CBLC: variants seen among roughly 807,000 people sequenced by gnomAD.
CBLC encodes E3 ubiquitin-protein ligase CBL-C.
In CBLC, 46 loss-of-function variants were observed where a neutral mutation model predicts 58.6. The ratio of observed to expected loss-of-function variants is 0.79; its 90% CI spans 0.62 to 1.00. The LOEUF (loss-of-function observed/expected upper bound fraction) is 1.00. Ranked by LOEUF, CBLC falls within the 50% of genes least tolerant of loss-of-function variation. CBLC has a pLI of 0.00. For synonymous variants in CBLC, 271 were observed against 264.2 expected (o/e 1.03, Z -0.25); for missense variants, 655 against 625.8 (o/e 1.05, Z -0.50).
chr19:44,798,437 C>G (rs755241269), intron 9 of CBLC, among the ~76,000 whole-genome samples: 8 of 152,064 alleles, frequency 5.3e-5, no homozygotes, highest in Non-Finnish European at 8.8e-5. Context: ...CAGCCAAGCG[C>G]GGTGGCTCAC....
intron 1 of CBLC, among the ~76,000 whole-genome samples, chr19:44,778,893 T>C (rs1238193374): frequency 8.0e-6 from 1 of 124,240 alleles, no homozygotes; most frequent in African/African-American, 3.3e-5. Context: ...CCCCAGCCCC[T>C]CCTCCCTCAG....
chr19:44,798,311 T>C (rs754183531), intron 9 of CBLC, among the ~76,000 whole-genome samples: 2 of 151,220 alleles, frequency 1.3e-5, no homozygotes, highest in African/African-American at 2.5e-5. Context: ...AGTGCTGGGA[T>C]TGCTGGCATT....
At chr19:44,790,390 C>A (rs1968016188) in intron 6 of CBLC, among the ~76,000 whole-genome samples, 1 of 152,136 alleles carries the variant, frequency 6.6e-6, no homozygotes, top group Admixed American at 6.6e-5. Context: ...TTCACAGCCA[C>A]CCTACGAGTG....
At chr19:44,791,692 A>G (rs1233792077) in intron 6 of CBLC, among the ~76,000 whole-genome samples, 2 of 150,564 alleles carry the variant, frequency 1.3e-5, no homozygotes, top group Admixed American at 1.3e-4. Flanking sequence ...AGATCGCGCC[A>G]CTGCACTCCA....
At chr19:44,787,298 G>C (rs1345843202) in intron 5 of CBLC, among the ~76,000 whole-genome samples, 2 of 151,942 alleles carry the variant, frequency 1.3e-5, no homozygotes, top group Non-Finnish European at 2.9e-5. Flanking sequence ...GGAGGCTGAG[G>C]CAGGAGAATG....
At chr19:44,796,731 G>T (rs538957153) in intron 9 of CBLC, among the ~76,000 whole-genome samples, 14 of 151,986 alleles carry the variant, frequency 9.2e-5, no homozygotes, top group Admixed American at 4.6e-4. Context: ...TTCTCCCTAC[G>T]CTGCCACCCC....
At chr19:44,781,411 T>C in intron 3 of CBLC, 48 bp downstream of exon 3, 1 of 1,560,870 alleles carries the variant, frequency 6.4e-7, no homozygotes, top group Non-Finnish European at 8.7e-7. Context: ...CAGGAGGAAG[T>C]AGAGGGCTGA....
intron 4 of CBLC, among the ~76,000 whole-genome samples, chr19:44,783,968 G>C (rs1377713468): frequency 2.0e-5 from 3 of 152,160 alleles, no homozygotes; most frequent in Admixed American, 1.3e-4. Context: ...CTGTGGTCAG[G>C]GGTCCTGAAA....
chr19:44,795,660 A>G (rs560410638), intron 9 of CBLC, among the ~76,000 whole-genome samples: 1 of 151,960 alleles, frequency 6.6e-6, no homozygotes, highest in Non-Finnish European at 1.5e-5. Context: ...AGATGAAAAT[A>G]GCACCGCTGT....
chr19:44,780,789 T>G (rs1325245156), intron 1 of CBLC, 116 bp from the exon 2 acceptor site: 6 of 1,111,802 alleles, frequency 5.4e-6, no homozygotes, highest in African/African-American at 1.6e-5. Flanking sequence ...GACTCTTACC[T>G]TACACTGTTG....
At chr19:44,782,234 G>A in intron 3 of CBLC, 136 bp from the exon 4 acceptor site, 12 of 1,266,858 alleles carry the variant, frequency 9.5e-6, no homozygotes, top group Non-Finnish European at 1.1e-5. Flanking sequence ...AAGAGCTTGG[G>A]GTCTTGTAAA....
intron 9 of CBLC, among the ~76,000 whole-genome samples, chr19:44,796,378 C>G (rs1448515725): frequency 1.3e-5 from 2 of 152,016 alleles, no homozygotes; most frequent in Non-Finnish European, 2.9e-5. Flanking sequence ...TTTGTTGTTT[C>G]TTTGTTTGTT....
Position 44,780,974 on chromosome 19 carries a change from G to A in CBLC, c.423G>A (p.Gly141=). 6.2e-7 allele frequency: 1 copy of A among 1,613,588 alleles called. No individual in the cohort carries two copies. The highest frequency in any genetic ancestry group is 8.5e-7 in the Non-Finnish European group (1 of 1,179,988). Residue 141 remains glycine (G), a synonymous_variant, in exon 2 of 11, where the codon GGG becomes GGA. Transcript: ENST00000647358. The part of the protein sequence containing the change: ...MHAELHALFP[G]GKYCGHMYQL... ...CAGAGCTGCACGCACTCTTCCCCGG[G>A]GGAAAGTACTGTGGACACATGTACC...
Position 44,784,333 on chromosome 19 carries a change from C to T in CBLC, c.849C>T (p.Ser283=), listed in dbSNP as rs1480444251. 6.2e-7 allele frequency: 1 copy of T among 1,603,104 alleles called. No homozygotes were observed. The highest frequency in any genetic ancestry group is 8.5e-7 in the Non-Finnish European group (1 of 1,171,164). ...TCGGCTATGTGAGCTCAGATGGCAGCATCCTGCAGACCATCCCTGCCAACA... is the reference window on the plus strand; with the variant it reads ...TCGGCTATGTGAGCTCAGATGGCAGTATCCTGCAGACCATCCCTGCCAACA... ...WAIGYVSSDG[S]ILQTIPANKP... The change falls in exon 5 of 11, where the codon AGC becomes AGT. Residue 283 remains serine (S), a synonymous_variant. Transcript: ENST00000647358.
rs796595090 is a variant in CBLC, at chr19:44,782,303, A to C, written c.658-67A>C. 26 of 1,599,760 alleles carry C rather than the reference A, an allele frequency of 1.6e-5. 1 individual carries two copies. In the Middle Eastern group the frequency reaches 5.0e-4, roughly 31 times the overall value. On this transcript the variant is annotated intron_variant, in intron 3 of 10. Coordinates refer to ENST00000647358, the MANE Select transcript of CBLC (RefSeq NM_012116.4). ...GGAGGTGGTTGGATCCTCGAGCCCT[A>C]GGGACTACTTAGGGATGTGAGCTGC...
At position 44,790,013 on chromosome 19, in the gene CBLC, C is replaced by G; in HGVS notation, c.927C>G (p.Tyr309Ter). Residue 309 changes from tyrosine (Y) to a stop codon, truncating the protein, a stop_gained, in exon 6 of 11, where the codon TAC becomes TAG. Coordinates refer to ENST00000647358, the MANE Select transcript of CBLC (RefSeq NM_012116.4). LOFTEE classifies it high-confidence loss of function. The part of the protein sequence containing the change: ...LEGQKDGFYL[Y>*]PDGKTHNPDL... ...TCTTCCCTTCCCCCAGCTACCTCTACCCAGATGGAAAGACCCACAACCCAG... is the reference window on the plus strand; with the variant it reads ...TCTTCCCTTCCCCCAGCTACCTCTAGCCAGATGGAAAGACCCACAACCCAG... 6.2e-7 allele frequency: 1 copy of G among 1,613,224 alleles called. No individual in the cohort carries two copies. The highest frequency in any genetic ancestry group is 8.5e-7 in the Non-Finnish European group (1 of 1,179,298).
intron 6 of CBLC, among the ~76,000 whole-genome samples, chr19:44,790,523 C>T (rs1968019448): frequency 2.0e-5 from 3 of 152,102 alleles, no homozygotes. Flanking sequence ...GCAGCCTCGA[C>T]CTCTGGGCTC....
At chr19:44,787,346 A>G in intron 5 of CBLC, among the ~76,000 whole-genome samples, 1 of 152,142 alleles carries the variant, frequency 6.6e-6, no homozygotes, top group South Asian at 2.1e-4. Flanking sequence ...GTGAGCCGAG[A>G]TCGCGCCACT....
intron 9 of CBLC, among the ~76,000 whole-genome samples, chr19:44,799,980 A>G (rs1235261057): frequency 6.6e-6 from 1 of 152,198 alleles, no homozygotes; most frequent in Non-Finnish European, 1.5e-5. Context: ...ACATGGATGG[A>G]CAGGCGGACA....
Sources: allele counts gnomAD v4.1 joint callset (sites outside exome capture counted in the v4.1 genomes callset), GRCh38; gene constraint gnomAD v4.1.1; transcripts MANE v1.5; gene names NCBI Gene and HGNC (gene_info 2026-07-23, HGNC 2026-07-21).